Variants in GALNT13 observed in about 807,000 individuals in gnomAD.
GALNT13 encodes polypeptide N-acetylgalactosaminyltransferase 13.
A neutral mutation model predicts 64.2 loss-of-function variants in GALNT13; 28 were observed. The observed-to-expected ratio is 0.44, with a 90% confidence interval of 0.32 to 0.60. The LOEUF (loss-of-function observed/expected upper bound fraction) is 0.60. Among genes scored for constraint, GALNT13 ranks in the 20% least tolerant of loss-of-function variants. The pLI is 0.05. For synonymous variants in GALNT13, 214 were observed against 224.6 expected, an observed-to-expected ratio of 0.95 and a Z score of 0.42; for missense variants, 577 against 669.8, an observed-to-expected ratio of 0.86 and a Z score of 1.53.
chr2:153,659,221 G>T, the GALNT13 span, among the ~76,000 whole-genome samples: 633 of 151,914 alleles, frequency 4.2e-3, 6 homozygotes, highest in African/African-American at 0.015. Flanking sequence ...ACATTTTTTG[G>T]GGCCCAATAG....
chr2:153,690,369 A>G, the GALNT13 span, among the ~76,000 whole-genome samples: 1 of 152,126 alleles, frequency 6.6e-6, no homozygotes, highest in Non-Finnish European at 1.5e-5. Flanking sequence ...TCATGCTGGT[A>G]TTTATAGTCA....
At chr2:153,103,470 C>A in the GALNT13 span, among the ~76,000 whole-genome samples, 1 of 152,132 alleles carries the variant, frequency 6.6e-6, no homozygotes, top group East Asian at 1.9e-4. Context: ...GAAAAGATAA[C>A]AATGGATAGT....
chr2:154,390,767 T>C (rs1698753502), intron 9 of GALNT13, among the ~76,000 whole-genome samples: 1 of 152,242 alleles, frequency 6.6e-6, no homozygotes, highest in Non-Finnish European at 1.5e-5. Flanking sequence ...GTACTCATTA[T>C]GCATCTTTAT....
At chr2:153,274,670 C>G in the GALNT13 span, among the ~76,000 whole-genome samples, 1 of 152,182 alleles carries the variant, frequency 6.6e-6, no homozygotes, top group Admixed American at 6.5e-5. Context: ...TGGAGTCTCT[C>G]CTTCTGTCAA....
intron 8 of GALNT13, among the ~76,000 whole-genome samples, chr2:154,300,099 C>CTTTTTT (rs368475927): frequency 4.3e-5 from 5 of 117,044 alleles, no homozygotes; most frequent in Non-Finnish European, 8.3e-5. Context: ...TTCTTTCTCT[C>CTTTTTT]TTTTTTTTTT....
At chr2:153,351,464 C>G in the GALNT13 span, among the ~76,000 whole-genome samples, 11 of 152,176 alleles carry the variant, frequency 7.2e-5, no homozygotes, top group African/African-American at 2.4e-4. Context: ...TACGTTGACA[C>G]ATCATCACCA....
At chr2:153,399,605 A>G in the GALNT13 span, among the ~76,000 whole-genome samples, 1 of 151,692 alleles carries the variant, frequency 6.6e-6, no homozygotes, top group African/African-American at 2.4e-5. Flanking sequence ...TTCCTTGAGC[A>G]GTGGTTTGTA....
chr2:153,951,510 G>C (rs1455643852), intron 3 of GALNT13, among the ~76,000 whole-genome samples: 1 of 152,148 alleles, frequency 6.6e-6, no homozygotes, highest in Non-Finnish European at 1.5e-5. Flanking sequence ...TTTAAGATAT[G>C]ATATTAAGAG....
At chr2:153,293,761 T>TTGTGTGTGTGTG in the GALNT13 span, among the ~76,000 whole-genome samples, 1 of 104,810 alleles carries the variant, frequency 9.5e-6, no homozygotes, top group South Asian at 3.1e-4. Context: ...TTTTTTCTGT[T>TTGTGTGTGTGTG]TGTGTGTGTG....
At chr2:153,272,992 G>A in the GALNT13 span, among the ~76,000 whole-genome samples, 12 of 151,638 alleles carry the variant, frequency 7.9e-5, no homozygotes, top group Admixed American at 1.3e-4. Context: ...TGCAATCCAT[G>A]AATCTGTTCC....
At chr2:153,206,457 T>G in the GALNT13 span, among the ~76,000 whole-genome samples, 2 of 152,132 alleles carry the variant, frequency 1.3e-5, no homozygotes, top group Admixed American at 1.3e-4. Context: ...TACATATTTA[T>G]GCAGTACATG....
chr2:154,303,486 G>C (rs957113318), intron 9 of GALNT13, among the ~76,000 whole-genome samples: 8 of 152,050 alleles, frequency 5.3e-5, no homozygotes, highest in African/African-American at 1.9e-4. Flanking sequence ...GATTGGCCCA[G>C]CTGCTAGCAT....
the GALNT13 span, among the ~76,000 whole-genome samples, chr2:153,587,431 C>T: frequency 4.6e-5 from 7 of 152,234 alleles, no homozygotes; most frequent in Admixed American, 1.3e-4. Flanking sequence ...TTAATAGACT[C>T]ACAGTTCAAC....
chr2:154,250,320 T>C (rs1426264284), intron 7 of GALNT13, among the ~76,000 whole-genome samples: 1 of 152,100 alleles, frequency 6.6e-6, no homozygotes, highest in Non-Finnish European at 1.5e-5. Context: ...GGCTTTTCTA[T>C]TCAATTTCTC....
the GALNT13 span, among the ~76,000 whole-genome samples, chr2:153,203,871 G>C: frequency 2.7e-5 from 2 of 75,466 alleles, no homozygotes; most frequent in Non-Finnish European, 8.6e-5. Flanking sequence ...TATGTAGCGT[G>C]TCTACACACA....
the GALNT13 span, among the ~76,000 whole-genome samples, chr2:153,319,826 A>C: frequency 7.2e-5 from 11 of 152,168 alleles, no homozygotes; most frequent in South Asian, 2.3e-3. Context: ...AAGCATACTA[A>C]CTTTCATGGT....
chr2:153,735,341 G>A, the GALNT13 span, among the ~76,000 whole-genome samples: 1 of 151,716 alleles, frequency 6.6e-6, no homozygotes, highest in South Asian at 2.1e-4. Flanking sequence ...TGCATCAAAG[G>A]CATTAAGTTG....
chr2:153,282,303 A>G, the GALNT13 span, among the ~76,000 whole-genome samples: 1 of 151,830 alleles, frequency 6.6e-6, no homozygotes, highest in Admixed American at 6.6e-5. Context: ...CTTTGTGTTG[A>G]TTTTCAATGT....
At chr2:153,487,834 G>A in the GALNT13 span, among the ~76,000 whole-genome samples, 1 of 152,122 alleles carries the variant, frequency 6.6e-6, no homozygotes, top group African/African-American at 2.4e-5. Context: ...GAATTTGAAG[G>A]GTCCAAATCA....
Sources: gnomAD v4.1 joint callset for allele counts (sites outside exome capture counted in the v4.1 genomes callset) on GRCh38, gnomAD v4.1.1 for gene constraint, MANE v1.5 for transcripts, NCBI Gene and HGNC (gene_info 2026-07-23, HGNC 2026-07-21) for gene names.